ARHGAP24: variants seen among roughly 807,000 people sequenced by gnomAD.
ARHGAP24 encodes rho GTPase-activating protein 24.
In ARHGAP24, 50 loss-of-function variants were observed where a neutral mutation model predicts 76.4. That is an observed-to-expected ratio of 0.65 (90% CI 0.52 to 0.83). ARHGAP24 has a LOEUF of 0.83. Among genes scored for constraint, ARHGAP24 ranks in the 40% least tolerant of loss-of-function variants. ARHGAP24 has a pLI of 0.00. For missense variants in ARHGAP24, 930 were observed against 914.2 expected (o/e 1.02, Z -0.22); for synonymous variants, 345 against 323.3 (o/e 1.07, Z -0.72).
At chr4:85,769,402 G>A (rs1190503961) in intron 3 of ARHGAP24, among the ~76,000 whole-genome samples, 4 of 152,138 alleles carry the variant, frequency 2.6e-5, no homozygotes, top group African/African-American at 9.7e-5. Flanking sequence ...TGTGGGAAAA[G>A]AAGACACATT....
intron 2 of ARHGAP24, among the ~76,000 whole-genome samples, chr4:85,688,970 G>T (rs1477020800): frequency 6.6e-5 from 10 of 152,190 alleles, no homozygotes. Context: ...ATAATTTGAA[G>T]TTGGGTAGTA....
At chr4:85,750,535 AC>A (rs1401946464) in intron 3 of ARHGAP24, among the ~76,000 whole-genome samples, 4 of 106,622 alleles carry the variant, frequency 3.8e-5, no homozygotes, top group Non-Finnish European at 6.8e-5. Context: ...TTGCTCTGTT[AC>A]CCAGGCTGGA....
intron 1 of ARHGAP24, among the ~76,000 whole-genome samples, chr4:85,549,150 C>A (rs542759401): frequency 6.6e-6 from 1 of 150,378 alleles, no homozygotes; most frequent in African/African-American, 2.4e-5. Flanking sequence ...CATAAGGATT[C>A]CATTTCTCTT....
chr4:85,881,912 G>A (rs1327012674), intron 3 of ARHGAP24, among the ~76,000 whole-genome samples: 1 of 152,082 alleles, frequency 6.6e-6, no homozygotes, highest in African/African-American at 2.4e-5. Flanking sequence ...AATAAACATG[G>A]GCAATGGCTT....
chr4:85,675,814 T>C (rs992436748), intron 2 of ARHGAP24, among the ~76,000 whole-genome samples: 1 of 152,180 alleles, frequency 6.6e-6, no homozygotes, highest in Non-Finnish European at 1.5e-5. Context: ...CTCTGATGTT[T>C]ATGTGCTCCT....
rs1404394960 is a variant in ARHGAP24 at position 85,683,108 on chromosome 4, GT to G, written c.181-38776del. On this transcript the variant is annotated intron_variant, in intron 2 of 9. Transcript: ENST00000395184. Reference sequence around the variant, plus strand: ...CATCAACTCTTAACTCTCTCAGTGTGTGGGGGGGTGGGGGGGGGGTGCGGGG... The same window carrying G: ...CATCAACTCTTAACTCTCTCAGTGTGGGGGGGGTGGGGGGGGGGTGCGGGG... Among the ~76,000 whole-genome samples the G allele has an allele frequency of 3.3e-3, 313 of 94,096 alleles. 11 individuals are homozygous for G. The highest frequency in any genetic ancestry group is 0.023 in the South Asian group (34 of 1,472). The allele number at this position is 94,096 out of a possible 152,430, so 61.7% of individuals were successfully genotyped here. A position where few individuals can be genotyped will look rare whatever the true frequency, so the allele number is the denominator to read the frequency against.
intron 3 of ARHGAP24, among the ~76,000 whole-genome samples, chr4:85,913,414 A>C (rs1205201884): frequency 6.6e-6 from 1 of 151,380 alleles, no homozygotes; most frequent in African/African-American, 2.4e-5. Flanking sequence ...ATCTTATTTG[A>C]CTTGTCAACA....
At chr4:85,495,606 C>T (rs1723547216) in intron 1 of ARHGAP24, among the ~76,000 whole-genome samples, 1 of 152,014 alleles carries the variant, frequency 6.6e-6, no homozygotes, top group Non-Finnish European at 1.5e-5. Flanking sequence ...CCCGCCTCGG[C>T]CGCCCAAAGT....
At chr4:85,574,190 T>C (rs908476490) in intron 2 of ARHGAP24, among the ~76,000 whole-genome samples, 1 of 152,210 alleles carries the variant, frequency 6.6e-6, no homozygotes, top group African/African-American at 2.4e-5. Context: ...TAATTTATTA[T>C]AGTAAATTTT....
intron 4 of ARHGAP24, among the ~76,000 whole-genome samples, chr4:85,927,212 A>G (rs976019165): frequency 6.6e-5 from 10 of 152,198 alleles, no homozygotes; most frequent in Non-Finnish European, 1.3e-4. Flanking sequence ...TGAAAACATT[A>G]TGCTAAGTGA....
intron 3 of ARHGAP24, among the ~76,000 whole-genome samples, chr4:85,879,964 A>G (rs1195195502): frequency 6.6e-6 from 1 of 152,124 alleles, no homozygotes; most frequent in African/African-American, 2.4e-5. Flanking sequence ...TTACACTCCT[A>G]TGAGAATCTA....
At chr4:85,494,346 C>A (rs1284562867) in intron 1 of ARHGAP24, among the ~76,000 whole-genome samples, 1 of 152,086 alleles carries the variant, frequency 6.6e-6, no homozygotes, top group Non-Finnish European at 1.5e-5. Context: ...TTGTTCAACA[C>A]CCACTTAATG....
intron 2 of ARHGAP24, among the ~76,000 whole-genome samples, chr4:85,606,865 C>T (rs1720213531): frequency 6.6e-6 from 1 of 152,158 alleles, no homozygotes. Flanking sequence ...ATAAGAAAGG[C>T]TGGAGCCAGG....
chr4:85,653,485 T>G (rs1393056391), intron 2 of ARHGAP24, among the ~76,000 whole-genome samples: 1 of 151,910 alleles, frequency 6.6e-6, no homozygotes, highest in Non-Finnish European at 1.5e-5. Context: ...ATTAATTTAT[T>G]TATTTTGAGG....
intron 3 of ARHGAP24, among the ~76,000 whole-genome samples, chr4:85,791,203 A>G (rs1728104900): frequency 6.6e-6 from 1 of 152,196 alleles, no homozygotes; most frequent in South Asian, 2.1e-4. Context: ...GGTTAGAACT[A>G]AATGTCCATA....
intron 3 of ARHGAP24, among the ~76,000 whole-genome samples, chr4:85,867,642 G>A (rs1271508926): frequency 1.3e-5 from 2 of 151,500 alleles, no homozygotes; most frequent in East Asian, 3.9e-4. Context: ...ATATAATAGT[G>A]CCCAGAAATA....
At chr4:85,933,281 A>ATT (rs551917304) in intron 4 of ARHGAP24, among the ~76,000 whole-genome samples, 2 of 151,974 alleles carry the variant, frequency 1.3e-5, no homozygotes, top group Non-Finnish European at 2.9e-5. Flanking sequence ...AAATATATAT[A>ATT]TTTTTTTACT....
intron 2 of ARHGAP24, among the ~76,000 whole-genome samples, chr4:85,638,401 A>G (rs548396235): frequency 1.8e-4 from 28 of 152,260 alleles, no homozygotes; most frequent in South Asian, 6.2e-4. Context: ...CACCTTTGGC[A>G]TCACTTGAAA....
intron 2 of ARHGAP24, among the ~76,000 whole-genome samples, chr4:85,706,032 A>G (rs896866909): frequency 9.9e-5 from 15 of 152,184 alleles, no homozygotes; most frequent in African/African-American, 3.6e-4. Flanking sequence ...GAGGGCACAG[A>G]TATTCTCAAG....
Sources: gnomAD v4.1 joint callset for allele counts (sites outside exome capture counted in the v4.1 genomes callset) on GRCh38, gnomAD v4.1.1 for gene constraint, MANE v1.5 for transcripts, NCBI Gene and HGNC (gene_info 2026-07-23, HGNC 2026-07-21) for gene names.